The following AFDN variants were observed in gnomAD, a reference collection of about 807,000 sequenced individuals.
AFDN encodes afadin, adherens junction formation factor, also known as afadin.
A neutral mutation model predicts 216.6 loss-of-function variants in AFDN; 68 were observed. The ratio of observed to expected loss-of-function variants is 0.31; its 90% CI spans 0.26 to 0.38. The LOEUF (loss-of-function observed/expected upper bound fraction) is 0.38. AFDN is among the 10% of genes least tolerant of loss of function. AFDN has a pLI of 1.00. For missense variants in AFDN, 2,136 were observed against 2,342.0 expected (o/e 0.91, Z 1.82); for synonymous variants, 868 against 853.7 (o/e 1.02, Z -0.29).
At chr6:167,968,230 G>A (rs1487443340) in intron 32 of AFDN, among the ~76,000 whole-genome samples, 2 of 152,166 alleles carry the variant, frequency 1.3e-5, no homozygotes, top group East Asian at 1.9e-4. Context: ...CTAAAGGCCC[G>A]CTATAAATTG....
chr6:167,958,411 T>C lies in AFDN; in HGVS notation c.4834-4022T>C, dbSNP rs149543679. 3.9e-3 allele frequency among the ~76,000 whole-genome samples: 593 copies of C among 152,318 alleles called. 4 individuals carry two copies. Among genetic ancestry groups the C allele is most frequent in the African/African-American group, 0.014 (571 of 41,558 alleles). On this transcript the variant is annotated intron_variant, in intron 30 of 33. Coordinates refer to ENST00000683244, the MANE Select transcript of AFDN (RefSeq NM_001386888.1). ...TTTTCTGAATTCATATTACGTGCCCTTTCTAGGACACAAAAATGCCTCTTT... is the reference window on the plus strand; with the variant it reads ...TTTTCTGAATTCATATTACGTGCCCCTTCTAGGACACAAAAATGCCTCTTT...
At chr6:167,904,793 C>T (rs938899092) in intron 12 of AFDN, among the ~76,000 whole-genome samples, 3 of 152,290 alleles carry the variant, frequency 2.0e-5, no homozygotes, top group Admixed American at 1.3e-4. Flanking sequence ...GAGGACCACA[C>T]GGCCCCAAGA....
In AFDN at chr6:167,922,888, C is replaced by T. The variant is rs1792010938; in HGVS notation, c.2941C>T (p.Pro981Ser). ...FCRLIPHTRS[P>S]GTWTIYFEGA... ...CAGGTTAATTCCTCACACACGTTCA[C>T]CAGGTACTTGGACAATATATTTTGA... Residue 981 changes from proline (P) to serine (S), a missense_variant, in exon 22 of 34, where the codon CCA becomes TCA. Pro to Ser is a moderately conservative substitution (Grantham distance 74). Around this residue, in one of 8 missense-constraint regions of AFDN, gnomAD observed 162 missense variants for 182.6 expected, o/e 0.89. Coordinates refer to ENST00000683244, the MANE Select transcript of AFDN (RefSeq NM_001386888.1). 6.2e-7 allele frequency: 1 copy of T among 1,612,884 alleles called. No homozygotes were observed. The highest frequency in any genetic ancestry group is 1.3e-5 in the African/African-American group (1 of 74,858).
intron 20 of AFDN, among the ~76,000 whole-genome samples, chr6:167,917,854 A>G (rs1460254326): frequency 1.3e-5 from 2 of 152,240 alleles, no homozygotes; most frequent in Non-Finnish European, 2.9e-5. Context: ...ATCGTGTCAT[A>G]GTCATTTAAA....
intron 1 of AFDN, among the ~76,000 whole-genome samples, chr6:167,859,177 G>C (rs1243613226): frequency 6.7e-6 from 1 of 148,918 alleles, no homozygotes; most frequent in Non-Finnish European, 1.5e-5. Flanking sequence ...TGTTCTTGAA[G>C]TATTAGGATT....
intron 21 of AFDN, among the ~76,000 whole-genome samples, chr6:167,921,698 GT>G (rs1791833011): frequency 6.6e-6 from 1 of 151,642 alleles, no homozygotes; most frequent in South Asian, 2.1e-4. Context: ...ATTTATAATT[GT>G]TCAGATTTCA....
intron 22 of AFDN, among the ~76,000 whole-genome samples, chr6:167,924,693 C>T (rs1218295320): frequency 1.3e-5 from 2 of 150,376 alleles, no homozygotes; most frequent in Non-Finnish European, 1.5e-5. Flanking sequence ...TTTTTCCTTA[C>T]GATCAGGCTT....
rs1225701077 is a variant in AFDN, at chr6:167,962,236, AATTT to A, written c.4834-192_4834-189del. On this transcript the variant is annotated intron_variant, in intron 30 of 33. Transcript: ENST00000683244. This position sits in a 1 kb window ranked among gnomAD's most constrained non-coding sequence, Gnocchi z 5.2. ...GGATTTGTGGCAACCGTTTTTAGGT[AATTT>A]ATTTTAAAATTGTAGAGCTAAAAAA... 6.6e-6 allele frequency among the ~76,000 whole-genome samples: 1 copy of A among 152,202 alleles called. No individual in the cohort carries two copies. Among genetic ancestry groups the A allele is most frequent in the Non-Finnish European group, 1.5e-5 (1 of 68,036 alleles).
intron 1 of AFDN, among the ~76,000 whole-genome samples, chr6:167,828,232 C>T (rs1402549313): frequency 6.6e-6 from 1 of 152,164 alleles, no homozygotes; most frequent in African/African-American, 2.4e-5. Context: ...TTAATACTTG[C>T]TATAAAATAC....
Position 167,872,533 on chromosome 6 carries a change from A to C in AFDN, c.578+156A>C, listed in dbSNP as rs534568348. Among the ~76,000 whole-genome samples, 6 of 152,300 alleles carry C rather than the reference A, an allele frequency of 3.9e-5. No individual in the cohort carries two copies. The East Asian group carries it at 1.2e-3, about 29-fold the overall frequency. Reference sequence around the variant, plus strand: ...ACTCCCAGCTCTTCTGTGTGGAGGGAGGATAGAGGGTCTTACCTAAGCAGG... The same window carrying C: ...ACTCCCAGCTCTTCTGTGTGGAGGGCGGATAGAGGGTCTTACCTAAGCAGG... On this transcript the variant is annotated intron_variant, in intron 4 of 33. Coordinates refer to ENST00000683244, the MANE Select transcript of AFDN (RefSeq NM_001386888.1).
chr6:167,887,544 C>T (rs1787016717), intron 6 of AFDN, among the ~76,000 whole-genome samples: 1 of 151,914 alleles, frequency 6.6e-6, no homozygotes, highest in African/African-American at 2.4e-5. Context: ...CAACTTCCGC[C>T]TCTTGGGTTC....
chr6:167,940,207 A>G (rs1794518007), intron 23 of AFDN, among the ~76,000 whole-genome samples: 1 of 146,426 alleles, frequency 6.8e-6, no homozygotes, highest in Admixed American at 6.7e-5. Flanking sequence ...GGACAGACAC[A>G]GAGAGATGTA....
intron 1 of AFDN, among the ~76,000 whole-genome samples, chr6:167,858,145 T>A (rs1228136892): frequency 6.6e-6 from 1 of 152,158 alleles, no homozygotes; most frequent in African/African-American, 2.4e-5. Flanking sequence ...TAATGCTGAC[T>A]AAGAGTTTGG....
At chr6:167,938,606 G>T (rs75024566) in intron 23 of AFDN, among the ~76,000 whole-genome samples, 77 of 152,232 alleles carry the variant, frequency 5.1e-4, no homozygotes, top group African/African-American at 1.8e-3. Flanking sequence ...ATTTTCTATT[G>T]CATATAGTAT....
At chr6:167,932,064 T>C (rs975965585) in intron 23 of AFDN, among the ~76,000 whole-genome samples, 2 of 152,202 alleles carry the variant, frequency 1.3e-5, no homozygotes, top group Admixed American at 1.3e-4. Context: ...ACCTGCTGTT[T>C]GTATTCTTGT....
At chr6:167,882,645 A>T (rs773921597) in intron 6 of AFDN, among the ~76,000 whole-genome samples, 13 of 152,170 alleles carry the variant, frequency 8.5e-5, no homozygotes, top group Admixed American at 2.0e-4. Flanking sequence ...ACTCTGTCTC[A>T]AAAACAAACA....
intron 23 of AFDN, among the ~76,000 whole-genome samples, chr6:167,942,193 C>T (rs1216627765): frequency 5.9e-5 from 9 of 152,260 alleles, no homozygotes; most frequent in South Asian, 2.1e-4. Context: ...GGGACAAATG[C>T]GAGTGGTTTC....
intron 8 of AFDN, among the ~76,000 whole-genome samples, chr6:167,893,196 G>C (rs772147474): frequency 1.3e-5 from 2 of 152,102 alleles, no homozygotes; most frequent in Non-Finnish European, 2.9e-5. Flanking sequence ...GCAAGGCCAG[G>C]GTCTTCCCTG....
intron 1 of AFDN, among the ~76,000 whole-genome samples, chr6:167,846,129 C>CA (rs71709561): frequency 0.18 from 27,237 of 151,822 alleles, 3,274 homozygotes; most frequent in Middle Eastern, 0.28. Context: ...CAAACCATAT[C>CA]ACTTGAGTTA....
Sources: allele counts gnomAD v4.1 joint callset (sites outside exome capture counted in the v4.1 genomes callset), GRCh38; gene constraint gnomAD v4.1.1; regional missense constraint gnomAD v4.1.1; non-coding constraint Gnocchi (gnomAD v3.1); transcripts MANE v1.5; gene names NCBI Gene and HGNC (gene_info 2026-07-23, HGNC 2026-07-21).